The following TNKS variants were observed in gnomAD, a reference collection of about 807,000 sequenced individuals.
TNKS encodes the protein tankyrase.
A neutral mutation model predicts 135.8 loss-of-function variants in TNKS; 72 were observed. The observed-to-expected ratio is 0.53, with a 90% confidence interval of 0.44 to 0.64. TNKS has a LOEUF of 0.64. TNKS is among the 30% of genes least tolerant of loss of function. The pLI, the probability that TNKS is intolerant of heterozygous loss-of-function variation, is 0.00. For missense variants in TNKS, 1,769 were observed against 1,674.0 expected (o/e 1.06, Z -0.99); for synonymous variants, 849 against 649.3 (o/e 1.31, Z -4.68).
intron 3 of TNKS, among the ~76,000 whole-genome samples, chr8:9,619,789 T>C (rs1799796647): frequency 2.7e-5 from 2 of 74,786 alleles, no homozygotes; most frequent in African/African-American, 5.7e-5. Context: ...AATCCTTTGC[T>C]TTTTTTTTTT....
chr8:9,606,083 T>C (rs56326922), intron 2 of TNKS, among the ~76,000 whole-genome samples: 1 of 147,442 alleles, frequency 6.8e-6, no homozygotes, highest in Non-Finnish European at 1.5e-5. Flanking sequence ...TTATGTTAAG[T>C]CTTTTATGTC....
At chr8:9,736,118 C>G (rs575044768) in intron 17 of TNKS, among the ~76,000 whole-genome samples, 19 of 149,126 alleles carry the variant, frequency 1.3e-4, no homozygotes, top group African/African-American at 4.4e-4. Flanking sequence ...TAATAAATAC[C>G]AATTTCTTAA....
intron 17 of TNKS, among the ~76,000 whole-genome samples, chr8:9,739,028 G>C (rs1418059869): frequency 6.6e-6 from 1 of 151,658 alleles, no homozygotes; most frequent in Non-Finnish European, 1.5e-5. Flanking sequence ...CAAAAGCAAT[G>C]GCAACAAAAG....
intron 13 of TNKS, among the ~76,000 whole-genome samples, chr8:9,730,179 G>C (rs1414889174): frequency 6.6e-6 from 1 of 152,136 alleles, no homozygotes; most frequent in Non-Finnish European, 1.5e-5. Context: ...CTGCTGCTTT[G>C]TAAACAAACG....
chr8:9,600,147 A>C (rs1396475298), intron 2 of TNKS, among the ~76,000 whole-genome samples: 2 of 152,304 alleles, frequency 1.3e-5, no homozygotes, highest in East Asian at 3.9e-4. Flanking sequence ...AGGAATTGCT[A>C]GGGTCCCACA....
Position 9,766,279 on chromosome 8 carries a change from T to C in TNKS, c.3594T>C (p.Asp1198=). The change falls in exon 25 of 27, where the codon GAT becomes GAC. Residue 1198 remains aspartate (D), a synonymous_variant. Coordinates refer to ENST00000310430, the MANE Select transcript of TNKS (RefSeq NM_003747.3). ...FINAIIHKGF[D]ERHAYIGGMF... ...ATGCCATTATTCATAAAGGGTTTGA[T>C]GAGCGACATGCATACATAGGAGGAA... is the stretch of plus-strand genomic sequence containing the variant. 3.1e-6 allele frequency: 5 copies of C among 1,613,590 alleles called. No individual in the cohort carries two copies. In the South Asian group the frequency reaches 4.4e-5, roughly 14 times the overall value.
intron 3 of TNKS, among the ~76,000 whole-genome samples, chr8:9,633,584 G>A (rs1282040463): frequency 6.6e-6 from 1 of 152,176 alleles, no homozygotes; most frequent in Non-Finnish European, 1.5e-5. Flanking sequence ...CATTGTAGAA[G>A]AGTTTTTCTG....
At chr8:9,617,929 A>G (rs1362189742) in intron 3 of TNKS, among the ~76,000 whole-genome samples, 1 of 151,576 alleles carries the variant, frequency 6.6e-6, no homozygotes, top group Non-Finnish European at 1.5e-5. Flanking sequence ...AACTGTGTAC[A>G]AGTATTTATG....
chr8:9,635,472 A>G (rs1800474719), intron 3 of TNKS, among the ~76,000 whole-genome samples: 1 of 152,230 alleles, frequency 6.6e-6, no homozygotes, highest in African/African-American at 2.4e-5. Context: ...AAGACTGGTT[A>G]GGACAACAAT....
chr8:9,666,480 G>A (rs1801994051), intron 3 of TNKS, among the ~76,000 whole-genome samples: 1 of 152,154 alleles, frequency 6.6e-6, no homozygotes, highest in South Asian at 2.1e-4. Flanking sequence ...CGCACTTTGG[G>A]AGGCCAAGGC....
chr8:9,766,608 C>T (rs566342462), intron 25 of TNKS, among the ~76,000 whole-genome samples, 183 bp downstream of exon 25: 1 of 151,950 alleles, frequency 6.6e-6, no homozygotes, highest in African/African-American at 2.4e-5. Context: ...GCCTCAGCCT[C>T]CTCAGTAGCT....
At position 9,780,742 on chromosome 8, in the gene TNKS, C is replaced by T. The variant is rs781306371; in HGVS notation, c.*4006C>T. The stretch of plus-strand genomic sequence containing the variant: ...GTGTTTGAAAGGTGTGTCAGTGAGT[C>T]GGCCATGTCTCCATGTGTTTCAGAC... On this transcript the variant is annotated 3_prime_UTR_variant, in exon 27 of 27. Transcript: ENST00000310430. 6 of 152,124 alleles carry T rather than the reference C, an allele frequency of 3.9e-5. No individual in the cohort carries two copies. The highest frequency in any genetic ancestry group is 5.9e-5 in the Non-Finnish European group (4 of 68,026). 9.4% of individuals were successfully genotyped at this position (152,124 alleles called of 1,614,324 possible).
chr8:9,657,856 CG>C (rs1801484747), intron 3 of TNKS, among the ~76,000 whole-genome samples: 1 of 147,152 alleles, frequency 6.8e-6, no homozygotes, highest in Non-Finnish European at 1.5e-5. Flanking sequence ...GGGCAGCTGC[CG>C]GGCGGAGGGG....
At chr8:9,558,391 T>C (rs1185278655) in intron 1 of TNKS, 2 of 152,158 alleles carry the variant, frequency 1.3e-5, no homozygotes, top group Non-Finnish European at 2.9e-5. Flanking sequence ...TTAGATGAAA[T>C]AGCATTTCTT....
intron 1 of TNKS, among the ~76,000 whole-genome samples, chr8:9,576,629 A>G (rs1189018357): frequency 2.0e-5 from 3 of 152,028 alleles, no homozygotes; most frequent in Non-Finnish European, 4.4e-5. Flanking sequence ...CACTAGGGTG[A>G]TGGTGCTAAA....
intron 3 of TNKS, among the ~76,000 whole-genome samples, chr8:9,650,473 A>G (rs941104594): frequency 6.6e-6 from 1 of 152,138 alleles, no homozygotes; most frequent in Non-Finnish European, 1.5e-5. Context: ...TATCCACACC[A>G]ACATCTGTTA....
At chr8:9,638,152 C>T (rs1384392507) in intron 3 of TNKS, among the ~76,000 whole-genome samples, 2 of 152,218 alleles carry the variant, frequency 1.3e-5, no homozygotes, top group East Asian at 3.9e-4. Context: ...CTTTTTTATT[C>T]TTTGTAGAGC....
At chr8:9,731,856 C>T (rs965700187) in intron 14 of TNKS, among the ~76,000 whole-genome samples, 2 of 152,114 alleles carry the variant, frequency 1.3e-5, no homozygotes, top group Non-Finnish European at 2.9e-5. Context: ...GGCACAATCT[C>T]GGCTCACTGC....
rs1194894390 is a variant in TNKS, at chr8:9,777,657, T to C, written c.*921T>C. The C allele has an allele frequency of 3.3e-5, 5 of 152,076 alleles. No homozygotes were observed. Among genetic ancestry groups the C allele is most frequent in the Non-Finnish European group, 5.9e-5 (4 of 68,016 alleles). 9.4% of individuals were successfully genotyped at this position (152,076 alleles called of 1,614,324 possible). ...ATTAAGGAGGGTGAGGAGCGTGTGG[T>C]TCTGTATCATGGCAGCCCCAATGGA... On this transcript the variant is annotated 3_prime_UTR_variant, in exon 27 of 27. Transcript: ENST00000310430.
Sources: gnomAD v4.1 joint callset for allele counts (sites outside exome capture counted in the v4.1 genomes callset) on GRCh38, gnomAD v4.1.1 for gene constraint, MANE v1.5 for transcripts, NCBI Gene and HGNC (gene_info 2026-07-23, HGNC 2026-07-21) for gene names.